The following WWOX variants were observed in gnomAD, a reference collection of about 807,000 sequenced individuals.
WWOX encodes the protein WW domain containing oxidoreductase.
In WWOX, 69 loss-of-function variants were observed where a neutral mutation model predicts 46.2. That is an observed-to-expected ratio of 1.49 (90% CI 1.23 to 1.82). The LOEUF is 1.82. WWOX is among the 40% of genes most tolerant of loss of function. WWOX has a pLI of 0.00. For missense variants in WWOX, 919 were observed against 542.6 expected, an observed-to-expected ratio of 1.69 and a Z score of -6.89; for synonymous variants, 359 against 202.6, an observed-to-expected ratio of 1.77 and a Z score of -6.56.
intron 5 of WWOX, among the ~76,000 whole-genome samples, chr16:78,317,650 T>C (rs145874753): frequency 2.6e-5 from 4 of 152,194 alleles, no homozygotes; most frequent in Non-Finnish European, 5.9e-5. Context: ...TTTCGAAGTC[T>C]GCCTCGTTTA....
chr16:78,746,009 C>A (rs1043546741), intron 8 of WWOX, among the ~76,000 whole-genome samples: 3 of 152,126 alleles, frequency 2.0e-5, no homozygotes, highest in African/African-American at 4.8e-5. Context: ...TGGGAAGGGC[C>A]ATAATCTGTA....
chr16:79,183,358 A>G (rs2050950075), intron 8 of WWOX, among the ~76,000 whole-genome samples: 1 of 152,234 alleles, frequency 6.6e-6, no homozygotes, highest in South Asian at 2.1e-4. Context: ...GGGACACAAG[A>G]AAAGAAGATG....
At chr16:78,567,509 C>T (rs1340030601) in intron 8 of WWOX, among the ~76,000 whole-genome samples, 2 of 131,710 alleles carry the variant, frequency 1.5e-5, no homozygotes, top group East Asian at 2.2e-4. Flanking sequence ...GCAGAGATTG[C>T]AGCACTGCAC....
chr16:78,615,719 G>A (rs1176423688), intron 8 of WWOX, among the ~76,000 whole-genome samples: 1 of 151,634 alleles, frequency 6.6e-6, no homozygotes, highest in African/African-American at 2.4e-5. Flanking sequence ...AGAAAGGGAA[G>A]GAAGAAATGC....
rs767808087 is a variant in WWOX at position 78,432,509 on chromosome 16, C to T, written c.813C>T (p.Ser271=). 5 of 1,614,136 alleles carry T rather than the reference C, an allele frequency of 3.1e-6. No homozygotes were observed. Among genetic ancestry groups the T allele is most frequent in the South Asian group, 1.1e-5 (1 of 91,080 alleles). Residue 271 remains serine, a synonymous_variant, in exon 8 of 9, where the codon TCC becomes TCT. Transcript: ENST00000566780. The part of the protein sequence containing the change: ...ESHRFTDIND[S]LGKLDFSRLS... ...TAAGATTTACAGATATTAACGACTCCTTGGGAAAACTGGACTTCAGTCGCC... is the reference window on the plus strand; with the variant it reads ...TAAGATTTACAGATATTAACGACTCTTTGGGAAAACTGGACTTCAGTCGCC...
chr16:78,559,818 C>G lies in WWOX; in HGVS notation c.1056+127066C>G, dbSNP rs74789442. ...TTCTCAGCCCATTCATCTTACAGACCTCAAGTGAACAGGCACAAAACAACA... is the reference window on the plus strand; with the variant it reads ...TTCTCAGCCCATTCATCTTACAGACGTCAAGTGAACAGGCACAAAACAACA... On this transcript the variant is annotated intron_variant, in intron 8 of 8. Transcript: ENST00000566780. Among the ~76,000 whole-genome samples, 193 of 152,272 alleles carry G rather than the reference C, an allele frequency of 1.3e-3. 1 individual carries two copies. The highest frequency in any genetic ancestry group is 4.4e-3 in the African/African-American group (184 of 41,548).
At chr16:78,146,475 C>G (rs901349863) in intron 4 of WWOX, among the ~76,000 whole-genome samples, 12 of 152,278 alleles carry the variant, frequency 7.9e-5, no homozygotes, top group African/African-American at 2.9e-4. Context: ...TAAAATCAGC[C>G]TCAGCTGGAA....
chr16:78,445,664 G>T (rs1199815860), intron 8 of WWOX, among the ~76,000 whole-genome samples: 1 of 152,206 alleles, frequency 6.6e-6, no homozygotes, highest in African/African-American at 2.4e-5. Context: ...ATCACTTGAG[G>T]CCGGGAGTTT....
chr16:78,276,171 G>A (rs1401728778), intron 5 of WWOX, among the ~76,000 whole-genome samples: 3 of 152,192 alleles, frequency 2.0e-5, no homozygotes, highest in African/African-American at 7.2e-5. Flanking sequence ...CAGGTGGGAA[G>A]CACAGGTGAT....
chr16:78,131,440 C>T (rs535635350), intron 4 of WWOX, among the ~76,000 whole-genome samples: 31 of 152,214 alleles, frequency 2.0e-4, no homozygotes, highest in Non-Finnish European at 3.8e-4. Context: ...GTCTTGAACT[C>T]GTGGGCTCAA....
chr16:78,497,668 A>G (rs752228246), intron 8 of WWOX, among the ~76,000 whole-genome samples: 6 of 152,184 alleles, frequency 3.9e-5, no homozygotes, highest in Admixed American at 6.5e-5. Context: ...TGTGTTGAAT[A>G]AATACTTGTT....
At chr16:78,816,065 T>G (rs77151734) in intron 8 of WWOX, among the ~76,000 whole-genome samples, 3,520 of 152,280 alleles carry the variant, frequency 0.023, 126 homozygotes, top group African/African-American at 0.073. Flanking sequence ...CCTGCTTCTA[T>G]TCTGCTTTTC....
intron 8 of WWOX, chr16:78,756,981 C>A (rs182750231): frequency 2.6e-4 from 180 of 702,838 alleles, no homozygotes; most frequent in Non-Finnish European, 4.0e-4. Flanking sequence ...CAAGCATACC[C>A]GTGTAGAAGA....
intron 8 of WWOX, among the ~76,000 whole-genome samples, chr16:78,824,381 C>T (rs1471169070): frequency 1.3e-5 from 2 of 152,162 alleles, no homozygotes; most frequent in Non-Finnish European, 2.9e-5. Context: ...ATTGACTCTA[C>T]AACTCTGTTT....
chr16:78,518,039 A>G (rs11641340), intron 8 of WWOX, among the ~76,000 whole-genome samples: 28,668 of 151,330 alleles, frequency 0.19, 4,162 homozygotes, highest in African/African-American at 0.39. Context: ...TATGTCTTTG[A>G]GCTTGGTAAT....
At chr16:79,199,422 G>T (rs987526300) in intron 8 of WWOX, among the ~76,000 whole-genome samples, 12 of 152,142 alleles carry the variant, frequency 7.9e-5, no homozygotes, top group African/African-American at 2.4e-4. Flanking sequence ...TCTATCATGC[G>T]TAAGGTGGAC....
chr16:78,794,084 G>C (rs2050677827), intron 8 of WWOX, among the ~76,000 whole-genome samples: 1 of 152,100 alleles, frequency 6.6e-6, no homozygotes, highest in Non-Finnish European at 1.5e-5. Flanking sequence ...TTTGTTAGGA[G>C]ATGGGGTCTT....
Position 78,994,516 on chromosome 16 carries a change from C to A in WWOX, c.1057-217092C>A, listed in dbSNP as rs544175431. On this transcript the variant is annotated intron_variant, in intron 8 of 8. Transcript: ENST00000566780. ...AGGTACTTATCTGACAAATGCAATGCGAATGGTCTTGTTCTTATCAATGAG... is the reference window on the plus strand; with the variant it reads ...AGGTACTTATCTGACAAATGCAATGAGAATGGTCTTGTTCTTATCAATGAG... The A allele has an allele frequency of 5.3e-5, 8 of 152,250 alleles. No individual in the cohort carries two copies. The South Asian group carries it at 1.7e-3, about 32-fold the overall frequency. 9.4% of individuals were successfully genotyped at this position (152,250 alleles called of 1,614,324 possible). A position where few individuals can be genotyped will look rare whatever the true frequency, so the allele number is the denominator to read the frequency against.
intron 4 of WWOX, among the ~76,000 whole-genome samples, chr16:78,126,135 T>C (rs192788048): frequency 4.3e-4 from 66 of 152,308 alleles, no homozygotes; most frequent in African/African-American, 1.5e-3. Flanking sequence ...CATTATGTGG[T>C]TCCAGCTCTT....
Sources: allele counts gnomAD v4.1 joint callset (sites outside exome capture counted in the v4.1 genomes callset), GRCh38; gene constraint gnomAD v4.1.1; transcripts MANE v1.5; gene names NCBI Gene and HGNC (gene_info 2026-07-23, HGNC 2026-07-21).